FAM78B: variants seen among roughly 807,000 people sequenced by gnomAD.
The protein encoded by FAM78B is family with sequence similarity 78 member B.
In FAM78B, 10 loss-of-function variants were observed where a neutral mutation model predicts 20.0. The ratio of observed to expected loss-of-function variants is 0.50; its 90% CI spans 0.31 to 0.85. FAM78B has a LOEUF of 0.85. Among genes scored for constraint, FAM78B ranks in the 40% least tolerant of loss-of-function variants. FAM78B has a pLI of 0.05. For missense variants in FAM78B, 283 were observed against 345.0 expected, an observed-to-expected ratio of 0.82 and a Z score of 1.42; for synonymous variants, 135 against 132.8, an observed-to-expected ratio of 1.02 and a Z score of -0.12.
intron 1 of FAM78B, among the ~76,000 whole-genome samples, chr1:166,163,258 C>G (rs564222997): frequency 2.6e-5 from 4 of 152,332 alleles, no homozygotes; most frequent in South Asian, 4.1e-4. Context: ...TGCCACAACT[C>G]TTCACCAGCC....
Position 166,069,923 on chromosome 1 carries a change from A to G in FAM78B, c.*318T>C. ...GTTTAATTTCGTTTCCATCCCCTGC[A>G]TCTCACAGGAAAGAAATGGTCAATA... On this transcript the variant is annotated 3_prime_UTR_variant, in exon 2 of 2. Coordinates refer to ENST00000354422, the MANE Select transcript of FAM78B (RefSeq NM_001017961.5). 1.0e-6 allele frequency: 1 copy of G among 1,001,928 alleles called. No homozygotes were observed. The allele number at this position is 1,001,928 out of a possible 1,614,324, so 62.1% of individuals were successfully genotyped here. A position where few individuals can be genotyped will look rare whatever the true frequency, so the allele number is the denominator to read the frequency against.
chr1:166,084,031 G>A (rs1053847389), intron 1 of FAM78B, among the ~76,000 whole-genome samples: 7 of 151,760 alleles, frequency 4.6e-5, no homozygotes, highest in Non-Finnish European at 1.0e-4. Flanking sequence ...GTAACAGGAG[G>A]GTAGATGGCC....
intron 1 of FAM78B, among the ~76,000 whole-genome samples, chr1:166,160,207 C>T (rs762912479): frequency 6.6e-6 from 1 of 152,206 alleles, no homozygotes; most frequent in Non-Finnish European, 1.5e-5. Flanking sequence ...GAAGGTCACA[C>T]TTAAAGCCAC....
chr1:166,143,354 C>T (rs936591788), intron 1 of FAM78B, among the ~76,000 whole-genome samples: 3 of 151,924 alleles, frequency 2.0e-5, no homozygotes, highest in African/African-American at 4.8e-5. Context: ...AGAGGTATCA[C>T]GGCTGGGAGC....
intron 1 of FAM78B, among the ~76,000 whole-genome samples, chr1:166,076,570 T>C (rs1652285929): frequency 6.6e-6 from 1 of 152,216 alleles, no homozygotes. Context: ...CACCTTCTAA[T>C]ACACTATAAC....
At chr1:166,096,065 G>C (rs1204518298) in intron 1 of FAM78B, among the ~76,000 whole-genome samples, 1 of 152,124 alleles carries the variant, frequency 6.6e-6, no homozygotes, top group African/African-American at 2.4e-5. Context: ...AAATAAAAAA[G>C]ATCATCTAAG....
chr1:166,104,761 T>C (rs1182380504), intron 1 of FAM78B, among the ~76,000 whole-genome samples: 1 of 152,116 alleles, frequency 6.6e-6, no homozygotes, highest in Non-Finnish European at 1.5e-5. Context: ...ATCAACATCG[T>C]GAAAATGGCC....
chr1:166,091,562 T>C (rs539874804), intron 1 of FAM78B, among the ~76,000 whole-genome samples: 1 of 152,314 alleles, frequency 6.6e-6, no homozygotes, highest in Non-Finnish European at 1.5e-5. Flanking sequence ...CTCTCTCTTT[T>C]GTAAATTGTC....
At chr1:166,066,402 G>C (rs10082085), downstream of FAM78B, among the ~76,000 whole-genome samples, 1 of 152,164 alleles carries the variant, frequency 6.6e-6, no homozygotes, top group South Asian at 2.1e-4. Context: ...CTACATGACA[G>C]TGTAGATGAA....
intron 1 of FAM78B, among the ~76,000 whole-genome samples, chr1:166,136,264 T>C (rs780462040): frequency 4.6e-5 from 7 of 152,230 alleles, no homozygotes; most frequent in Non-Finnish European, 1.0e-4. Flanking sequence ...CTTTTAGCCA[T>C]GCCTGAATTC....
At chr1:166,062,921 C>G (rs1651659187) in intron 2 of FAM78B, among the ~76,000 whole-genome samples, 1 of 152,216 alleles carries the variant, frequency 6.6e-6, no homozygotes, top group Non-Finnish European at 1.5e-5. Flanking sequence ...CCAGCTGTTT[C>G]TTTCATCCCC....
intron 1 of FAM78B, among the ~76,000 whole-genome samples, chr1:166,089,334 G>A (rs1326341408): frequency 6.6e-6 from 1 of 152,184 alleles, no homozygotes; most frequent in Non-Finnish European, 1.5e-5. Flanking sequence ...TGCTACTGAC[G>A]AGGATCCACC....
At position 166,109,882 on chromosome 1, in the gene FAM78B, GTATATATGTATATA is replaced by G. The variant is rs1439958206; in HGVS notation, c.264-39133_264-39120del. ...TATATGTATGTGTATATATATATAT[GTATATATGTATATA>G]TATATATATATATATATATATATAA... On this transcript the variant is annotated intron_variant, in intron 1 of 1. Coordinates refer to ENST00000354422, the MANE Select transcript of FAM78B (RefSeq NM_001017961.5). Among the ~76,000 whole-genome samples, 3 of 12,248 alleles carry G rather than the reference GTATATATGTATATA, an allele frequency of 2.4e-4. 1 individual carries two copies. Among genetic ancestry groups the G allele is most frequent in the East Asian group, 5.4e-3 (1 of 186 alleles). 8.0% of individuals were successfully genotyped at this position (12,248 alleles called of 152,430 possible).
chr1:166,109,832 G>GTATATATATATA (rs1215891381), intron 1 of FAM78B, among the ~76,000 whole-genome samples: 1 of 28,274 alleles, frequency 3.5e-5, no homozygotes, highest in Non-Finnish European at 7.5e-5. Flanking sequence ...ATATATATAT[G>GTATATATATATA]TATATATGTA....
At chr1:166,084,569 A>G (rs1002162730) in intron 1 of FAM78B, among the ~76,000 whole-genome samples, 4 of 152,226 alleles carry the variant, frequency 2.6e-5, no homozygotes, top group Non-Finnish European at 5.9e-5. Flanking sequence ...TATAGTGGTT[A>G]TTCCCAAGGG....
intron 1 of FAM78B, among the ~76,000 whole-genome samples, chr1:166,163,454 G>A (rs1379289566): frequency 6.6e-6 from 1 of 152,118 alleles, no homozygotes; most frequent in African/African-American, 2.4e-5. Flanking sequence ...GGAGTTTCTT[G>A]CCATTTTATG....
chr1:166,069,961 G>C lies in FAM78B; in HGVS notation c.*280C>G, dbSNP rs74834467. On this transcript the variant is annotated 3_prime_UTR_variant, in exon 2 of 2. Coordinates refer to ENST00000354422, the MANE Select transcript of FAM78B (RefSeq NM_001017961.5). ...GAAATGGTCAATAGTTCAGATAAAAGAATCATCCTGGTCAGCTCCAAAATA... is the reference window on the plus strand; with the variant it reads ...GAAATGGTCAATAGTTCAGATAAAACAATCATCCTGGTCAGCTCCAAAATA... 1.5e-5 allele frequency: 17 copies of C among 1,144,184 alleles called. No individual in the cohort carries two copies. The Admixed American group carries it at 5.9e-4, about 40-fold the overall frequency. 70.9% of individuals were successfully genotyped at this position (1,144,184 alleles called of 1,614,324 possible). A position where few individuals can be genotyped will look rare whatever the true frequency, so the allele number is the denominator to read the frequency against.
At chr1:166,075,794 T>A (rs908929407) in intron 1 of FAM78B, among the ~76,000 whole-genome samples, 1 of 152,236 alleles carries the variant, frequency 6.6e-6, no homozygotes, top group Non-Finnish European at 1.5e-5. Flanking sequence ...TCTCATCTGG[T>A]CTCATGATTT....
chr1:166,078,436 C>A (rs1197235940), intron 1 of FAM78B, among the ~76,000 whole-genome samples: 8 of 152,216 alleles, frequency 5.3e-5, no homozygotes, highest in African/African-American at 1.9e-4. Context: ...CCAAAGCTCA[C>A]AGCTAATGGA....
Sources: gnomAD v4.1 joint callset for allele counts (sites outside exome capture counted in the v4.1 genomes callset) on GRCh38, gnomAD v4.1.1 for gene constraint, MANE v1.5 for transcripts, NCBI Gene and HGNC (gene_info 2026-07-23, HGNC 2026-07-21) for gene names.